Variants in PHACTR1 observed in about 807,000 individuals in gnomAD.
The protein encoded by PHACTR1 is phosphatase and actin regulator 1.
PHACTR1 carries 16 observed loss-of-function variants against 69.2 expected under a neutral mutation model. That is an observed-to-expected ratio of 0.23 (90% confidence interval 0.16 to 0.35). PHACTR1 has a LOEUF of 0.35. PHACTR1 is among the 10% of genes least tolerant of loss of function. The probability of loss-of-function intolerance (pLI) is 1.00; values close to 1 mark genes in which losing one functional copy is unlikely to be tolerated. For missense variants in PHACTR1, 510 were observed against 734.7 expected, an observed-to-expected ratio of 0.69 and a Z score of 3.54; for synonymous variants, 312 against 284.5, an observed-to-expected ratio of 1.10 and a Z score of -0.97.
At chr6:13,091,201 G>A (rs531326709) in intron 5 of PHACTR1, among the ~76,000 whole-genome samples, 21 of 152,086 alleles carry the variant, frequency 1.4e-4, no homozygotes, top group African/African-American at 3.9e-4. Flanking sequence ...TTTTCACCAC[G>A]TTGTCCAGGC....
intron 4 of PHACTR1, among the ~76,000 whole-genome samples, chr6:13,015,475 A>G (rs115484227): frequency 9.3e-4 from 142 of 152,344 alleles, no homozygotes; most frequent in African/African-American, 3.2e-3. Flanking sequence ...CCTATGGAAT[A>G]CAAATGGATT....
chr6:13,131,451 G>A (rs1038362144), intron 5 of PHACTR1, among the ~76,000 whole-genome samples: 3 of 152,010 alleles, frequency 2.0e-5, no homozygotes, highest in Non-Finnish European at 2.9e-5. Context: ...TGCGGGGAAG[G>A]GTTGGAGGGG....
At chr6:13,250,555 G>C (rs961749734) in intron 10 of PHACTR1, among the ~76,000 whole-genome samples, 1 of 152,228 alleles carries the variant, frequency 6.6e-6, no homozygotes, top group Non-Finnish European at 1.5e-5. Flanking sequence ...GGGGCTGGCT[G>C]TGCAGACAGA....
intron 5 of PHACTR1, among the ~76,000 whole-genome samples, chr6:13,071,558 G>T (rs530840638): frequency 6.6e-6 from 1 of 152,174 alleles, no homozygotes. Flanking sequence ...ACAAAGCTGG[G>T]AGAGGTCTGT....
chr6:12,895,701 A>G (rs1166413352), intron 4 of PHACTR1, among the ~76,000 whole-genome samples: 1 of 152,222 alleles, frequency 6.6e-6, no homozygotes, highest in African/African-American at 2.4e-5. Flanking sequence ...AATGAAACCA[A>G]AGTGACATCA....
At chr6:13,211,389 T>C (rs1479716635) in intron 8 of PHACTR1, among the ~76,000 whole-genome samples, 1 of 152,140 alleles carries the variant, frequency 6.6e-6, no homozygotes, top group East Asian at 1.9e-4. Context: ...CGTGATCTAG[T>C]TGGCATCAAT....
chr6:13,221,274 T>A (rs1477012493), intron 8 of PHACTR1, among the ~76,000 whole-genome samples: 1 of 152,016 alleles, frequency 6.6e-6, no homozygotes, highest in Non-Finnish European at 1.5e-5. Flanking sequence ...CAAATGAGAT[T>A]GAAAGGAGTT....
At chr6:13,228,518 T>A (rs4715174) in intron 9 of PHACTR1, among the ~76,000 whole-genome samples, 18,973 of 152,250 alleles carry the variant, frequency 0.12, 1,691 homozygotes, top group Admixed American at 0.24. Context: ...GACCTTTAAA[T>A]GTGCTAAGAG....
At chr6:13,149,830 G>T (rs1183424324) in intron 5 of PHACTR1, among the ~76,000 whole-genome samples, 1 of 119,468 alleles carries the variant, frequency 8.4e-6, no homozygotes, top group Non-Finnish European at 1.7e-5. Flanking sequence ...TTTTTTTTGC[G>T]ATTTTTTTTT....
intron 4 of PHACTR1, among the ~76,000 whole-genome samples, chr6:12,768,100 T>C (rs1051900872): frequency 1.3e-5 from 2 of 149,662 alleles, no homozygotes; most frequent in African/African-American, 4.9e-5. Context: ...CTTAGAACAC[T>C]ATCAAATCCT....
chr6:13,122,304 G>A (rs574643155), intron 5 of PHACTR1, among the ~76,000 whole-genome samples: 31 of 152,214 alleles, frequency 2.0e-4, no homozygotes, highest in Non-Finnish European at 4.1e-4. Context: ...ACCTGCTACT[G>A]ATTGATTCCC....
At position 12,728,195 on chromosome 6, in the gene PHACTR1, T is replaced by G. The variant is rs139813816; in HGVS notation, c.103+9348T>G. ...TTAGCTAGGCATGGTAGTGGACACCTGTAGTCCCAGCTACTCAGGAGGCTG... is the reference window on the plus strand; with the variant it reads ...TTAGCTAGGCATGGTAGTGGACACCGGTAGTCCCAGCTACTCAGGAGGCTG... On this transcript the variant is annotated intron_variant, in intron 3 of 14. Transcript: ENST00000332995. Among the ~76,000 whole-genome samples, 70 of 152,216 alleles carry G rather than the reference T, an allele frequency of 4.6e-4. No individual in the cohort carries two copies. The East Asian group carries it at 0.013, about 28-fold the overall frequency.
intron 1 of PHACTR1, among the ~76,000 whole-genome samples, chr6:12,717,233 G>T (rs572857483): frequency 6.6e-6 from 1 of 152,110 alleles, no homozygotes; most frequent in East Asian, 1.9e-4. Flanking sequence ...AATAACTGGT[G>T]CCCCCACAAA....
chr6:12,977,016 A>G (rs564691522), intron 4 of PHACTR1, among the ~76,000 whole-genome samples: 2 of 152,108 alleles, frequency 1.3e-5, no homozygotes, highest in Non-Finnish European at 2.9e-5. Context: ...CTCAGGCTGG[A>G]GTGCAATGGT....
chr6:12,719,374 C>T (rs1198531619), intron 3 of PHACTR1, among the ~76,000 whole-genome samples: 2 of 152,118 alleles, frequency 1.3e-5, no homozygotes, highest in Non-Finnish European at 2.9e-5. Context: ...TTGATGTGTC[C>T]GTTTTTATTA....
chr6:13,238,378 A>G (rs1772328175), intron 10 of PHACTR1, among the ~76,000 whole-genome samples: 1 of 152,190 alleles, frequency 6.6e-6, no homozygotes, highest in Non-Finnish European at 1.5e-5. Flanking sequence ...AGATAGTGAG[A>G]TAATAGTCTG....
intron 8 of PHACTR1, 117 bp from the exon 9 acceptor site, chr6:13,227,699 G>T (rs1770015766): frequency 1.5e-6 from 2 of 1,337,992 alleles, no homozygotes; most frequent in Non-Finnish European, 2.1e-6. Context: ...AACTTTACTT[G>T]CCCAGTAGAC....
intron 4 of PHACTR1, among the ~76,000 whole-genome samples, chr6:12,786,118 T>C (rs2127652649): frequency 6.6e-6 from 1 of 152,346 alleles, no homozygotes; most frequent in South Asian, 2.1e-4. Flanking sequence ...TCTTCCCCAG[T>C]GAATGGGACC....
intron 3 of PHACTR1, among the ~76,000 whole-genome samples, chr6:12,722,835 T>G (rs1762293224): frequency 6.6e-6 from 1 of 152,122 alleles, no homozygotes; most frequent in Non-Finnish European, 1.5e-5. Context: ...AACTAGTGAG[T>G]CGTTTGCCAA....
Sources: allele counts gnomAD v4.1 joint callset (sites outside exome capture counted in the v4.1 genomes callset), GRCh38; gene constraint gnomAD v4.1.1; transcripts MANE v1.5; gene names NCBI Gene and HGNC (gene_info 2026-07-23, HGNC 2026-07-21).